MCM5: variants seen among roughly 807,000 people sequenced by gnomAD.
MCM5 encodes DNA replication licensing factor MCM5.
MCM5 carries 46 observed loss-of-function variants against 79.9 expected under a neutral mutation model. The ratio of observed to expected loss-of-function variants is 0.58; its 90% CI spans 0.45 to 0.74. MCM5 has a LOEUF of 0.74. Ranked by LOEUF, MCM5 falls within the 30% of genes least tolerant of loss-of-function variation. The probability of loss-of-function intolerance (pLI) is 0.00; values close to 1 mark genes in which losing one functional copy is unlikely to be tolerated. For missense variants in MCM5, 883 were observed against 1,017.0 expected, an observed-to-expected ratio of 0.87 and a Z score of 1.79; for synonymous variants, 404 against 390.5, an observed-to-expected ratio of 1.03 and a Z score of -0.41.
chr22:35,449,530 T>A, the MCM5 span, among the ~76,000 whole-genome samples: 5 of 151,606 alleles, frequency 3.3e-5, no homozygotes, highest in Non-Finnish European at 7.4e-5. Flanking sequence ...CTGTCCTGAT[T>A]GTGGCCGCTG....
At chr22:35,420,945 T>C (rs1364697867) in intron 14 of MCM5, among the ~76,000 whole-genome samples, 1 of 151,772 alleles carries the variant, frequency 6.6e-6, no homozygotes, top group Non-Finnish European at 1.5e-5. Context: ...CTGGGCAACA[T>C]AGCAAGACTC....
intron 5 of MCM5, among the ~76,000 whole-genome samples, chr22:35,408,065 T>A (rs1932269714): frequency 6.6e-6 from 1 of 152,138 alleles, no homozygotes; most frequent in Non-Finnish European, 1.5e-5. Flanking sequence ...GGGATTTGAG[T>A]GGGGCTTTAG....
the MCM5 span, among the ~76,000 whole-genome samples, chr22:35,438,411 TCATC>T: frequency 1.5e-4 from 16 of 103,860 alleles, no homozygotes; most frequent in East Asian, 3.2e-4. Flanking sequence ...ACCCACATAT[TCATC>T]CATCCATCCA....
At chr22:35,431,052 G>T in the MCM5 span, among the ~76,000 whole-genome samples, 1 of 152,168 alleles carries the variant, frequency 6.6e-6, no homozygotes, top group Non-Finnish European at 1.5e-5. Context: ...GGCCTGGCCT[G>T]CAGGGCCAGC....
the MCM5 span, among the ~76,000 whole-genome samples, chr22:35,434,654 C>T: frequency 6.6e-6 from 1 of 152,214 alleles, no homozygotes; most frequent in African/African-American, 2.4e-5. Context: ...AACACCTTTA[C>T]CCCACAAGGA....
chr22:35,401,682 C>T (rs1260769937), intron 2 of MCM5: 1 of 471,146 alleles, frequency 2.1e-6, no homozygotes, highest in East Asian at 6.9e-5. Flanking sequence ...ATATTGCCCA[C>T]CTGTGTGCCA....
the MCM5 span, among the ~76,000 whole-genome samples, chr22:35,446,465 G>T: frequency 1.3e-5 from 2 of 152,138 alleles, no homozygotes; most frequent in African/African-American, 4.8e-5. Context: ...CCCCATCGCT[G>T]TACCTCCAGC....
intron 6 of MCM5, 97 bp from the exon 7 acceptor site, chr22:35,410,647 A>G (rs2145790502): frequency 1.6e-6 from 2 of 1,223,712 alleles, no homozygotes; most frequent in South Asian, 1.2e-5. Flanking sequence ...AAAATGCTGC[A>G]GTGGACCCTG....
At chr22:35,452,687 G>T in the MCM5 span, among the ~76,000 whole-genome samples, 1 of 152,212 alleles carries the variant, frequency 6.6e-6, no homozygotes, top group Non-Finnish European at 1.5e-5. Context: ...CTCCTGGTTA[G>T]CCCTGTGTGT....
chr22:35,437,342 AAG>A, the MCM5 span, among the ~76,000 whole-genome samples: 931 of 152,348 alleles, frequency 6.1e-3, 1 homozygote, highest in Middle Eastern at 6.8e-3. Flanking sequence ...TGGACACCAA[AAG>A]AGAGAGGTTC....
At chr22:35,402,560 G>GTT in intron 2 of MCM5, among the ~76,000 whole-genome samples, 1 of 145,606 alleles carries the variant, frequency 6.9e-6, no homozygotes, top group African/African-American at 2.5e-5. Flanking sequence ...TACCTTTTTG[G>GTT]TTTTTTTTTT....
At position 35,411,852 on chromosome 22, in the gene MCM5, G is replaced by C. The variant is rs1211419805; in HGVS notation, c.920-658G>C. ...ATTTGACATGTTCACTTACATATCT[G>C]AAAGGCATCTCGAACTTTACATGGC... On this transcript the variant is annotated intron_variant, in intron 7 of 16. Transcript: ENST00000216122. Among the ~76,000 whole-genome samples, 5 of 152,246 alleles carry C rather than the reference G, an allele frequency of 3.3e-5. No homozygotes were observed. In the East Asian group the frequency reaches 9.7e-4, roughly 29 times the overall value.
the MCM5 span, among the ~76,000 whole-genome samples, chr22:35,447,568 G>A: frequency 6.6e-6 from 1 of 152,272 alleles, no homozygotes; most frequent in African/African-American, 2.4e-5. Context: ...TGCCTCCAGG[G>A]TGCAAGGGAT....
intron 15 of MCM5, chr22:35,422,700 C>T (rs1932726900): frequency 6.6e-6 from 1 of 152,298 alleles, no homozygotes; most frequent in Non-Finnish European, 1.5e-5. Flanking sequence ...ACCATGAGCC[C>T]ACCATCTCCT....
At chr22:35,407,121 G>A (rs1180029841) in intron 5 of MCM5, among the ~76,000 whole-genome samples, 5 of 152,158 alleles carry the variant, frequency 3.3e-5, no homozygotes, top group Non-Finnish European at 5.9e-5. Flanking sequence ...AGCTGGTTTC[G>A]CACTACAAAG....
chr22:35,410,773 A>G lies in MCM5; in HGVS notation c.782A>G (p.Asn261Ser), dbSNP rs1221413520. ...CTGTGTGACAAGGTCGTCCCTGGGAACAGGGTTACCATCATGGGCATCTAC... is the reference window on the plus strand; with the variant it reads ...CTGTGTGACAAGGTCGTCCCTGGGAGCAGGGTTACCATCATGGGCATCTAC... ...RYLCDKVVPG[N>S]RVTIMGIYSI... is the part of the protein sequence containing the mutation. The change falls in exon 7 of 17, where the codon AAC becomes AGC. Residue 261 changes from asparagine (N) to serine (S), a missense_variant. This residue lies in a region of MCM5 where 455 missense variants were observed against 517.5 expected (regional missense o/e 0.88). Coordinates refer to ENST00000216122, the MANE Select transcript of MCM5 (RefSeq NM_006739.4). 6.2e-7 allele frequency: 1 copy of G among 1,613,990 alleles called. No homozygotes were observed. Among genetic ancestry groups the G allele is most frequent in the Non-Finnish European group, 8.5e-7 (1 of 1,179,996 alleles).
chr22:35,413,651 G>A (rs931022163), intron 8 of MCM5, among the ~76,000 whole-genome samples: 16 of 152,132 alleles, frequency 1.1e-4, no homozygotes, highest in Admixed American at 7.2e-4. Context: ...TCCTCTTCTG[G>A]GAGGCAAGCT....
At chr22:35,400,949 A>G (rs1932029317) in intron 2 of MCM5, among the ~76,000 whole-genome samples, 3 of 152,100 alleles carry the variant, frequency 2.0e-5, no homozygotes. Flanking sequence ...CCTCCCGAGT[A>G]GGTGGGACTA....
chr22:35,448,190 G>A, the MCM5 span, among the ~76,000 whole-genome samples: 1 of 152,196 alleles, frequency 6.6e-6, no homozygotes, highest in African/African-American at 2.4e-5. Context: ...TCCTCTTCTA[G>A]AAAATAAGAA....
Sources: gnomAD v4.1 joint callset for allele counts (sites outside exome capture counted in the v4.1 genomes callset) on GRCh38, gnomAD v4.1.1 for gene constraint, gnomAD v4.1.1 regional missense constraint, MANE v1.5 for transcripts, NCBI Gene and HGNC (gene_info 2026-07-23, HGNC 2026-07-21) for gene names.